Variants in DOCK3 observed in about 807,000 individuals in gnomAD.
DOCK3 encodes the protein dedicator of cytokinesis protein 3.
A neutral mutation model predicts 265.6 loss-of-function variants in DOCK3; 60 were observed. That is an observed-to-expected ratio of 0.23 (90% CI 0.18 to 0.28). The LOEUF (loss-of-function observed/expected upper bound fraction) is 0.28, where lower values mean the gene tolerates loss of function less well. Among genes scored for constraint, DOCK3 ranks in the 10% least tolerant of loss-of-function variants. The pLI, the probability that DOCK3 is intolerant of heterozygous loss-of-function variation, is 1.00. For synonymous variants in DOCK3, 881 were observed against 938.0 expected, an observed-to-expected ratio of 0.94 and a Z score of 1.11; for missense variants, 1,981 against 2,594.3, an observed-to-expected ratio of 0.76 and a Z score of 5.14.
At chr3:50,702,570 T>C (rs1207352718) in intron 1 of DOCK3, among the ~76,000 whole-genome samples, 1 of 152,064 alleles carries the variant, frequency 6.6e-6, no homozygotes, top group Admixed American at 6.6e-5. Context: ...GGTTTCACCA[T>C]GTTGGTCAGG....
At chr3:50,743,679 G>A (rs1376308536) in intron 1 of DOCK3, among the ~76,000 whole-genome samples, 1 of 152,160 alleles carries the variant, frequency 6.6e-6, no homozygotes, top group Non-Finnish European at 1.5e-5. Flanking sequence ...GGAGCACCCA[G>A]ATTCATAAAG....
chr3:51,017,565 G>T (rs2079402801), intron 5 of DOCK3, among the ~76,000 whole-genome samples: 1 of 151,624 alleles, frequency 6.6e-6, no homozygotes, highest in African/African-American at 2.4e-5. Context: ...TGTTTCTGTT[G>T]TTTGTTTCAA....
intron 3 of DOCK3, among the ~76,000 whole-genome samples, chr3:50,872,318 A>G (rs2107591484): frequency 6.6e-6 from 1 of 152,330 alleles, no homozygotes; most frequent in Non-Finnish European, 1.5e-5. Context: ...ATGGTCTTGG[A>G]CAATATCTGG....
intron 5 of DOCK3, among the ~76,000 whole-genome samples, chr3:50,976,959 T>A (rs1054022311): frequency 1.3e-5 from 2 of 150,284 alleles, no homozygotes; most frequent in African/African-American, 4.9e-5. Flanking sequence ...GAGACTAGGA[T>A]TGCAACCCCT....
Position 51,383,720 on chromosome 3 carries a change from A to G in DOCK3, c.*2161A>G, listed in dbSNP as rs2088810039. 6.6e-6 allele frequency: 1 copy of G among 152,574 alleles called. No individual in the cohort carries two copies. Among genetic ancestry groups the G allele is most frequent in the African/African-American group, 2.4e-5 (1 of 41,470 alleles). The allele number at this position is 152,574 out of a possible 1,614,324, so 9.5% of individuals were successfully genotyped here. On this transcript the variant is annotated 3_prime_UTR_variant, in exon 53 of 53. Transcript: ENST00000266037. ...GGAGAATAAGTCAGTCTGAGGGGAA[A>G]TGGGAGGCCAGAGATGAGAACCCTT...
intron 9 of DOCK3, among the ~76,000 whole-genome samples, chr3:51,104,779 T>A (rs2083216546): frequency 6.6e-6 from 1 of 152,212 alleles, no homozygotes; most frequent in African/African-American, 2.4e-5. Context: ...ATTACTTTTT[T>A]AATTTTTAAA....
intron 5 of DOCK3, among the ~76,000 whole-genome samples, chr3:51,023,940 C>G (rs1368494319): frequency 1.3e-5 from 2 of 151,780 alleles, no homozygotes; most frequent in African/African-American, 2.4e-5. Context: ...TTTATGGAAC[C>G]CTGTTTTGTC....
At chr3:51,265,366 C>T (rs1437068640) in intron 23 of DOCK3, among the ~76,000 whole-genome samples, 1 of 152,194 alleles carries the variant, frequency 6.6e-6, no homozygotes, top group Non-Finnish European at 1.5e-5. Context: ...CCAGCATCAT[C>T]CTGATACCAA....
At chr3:51,085,405 A>G (rs1401679961) in intron 7 of DOCK3, among the ~76,000 whole-genome samples, 1 of 152,242 alleles carries the variant, frequency 6.6e-6, no homozygotes, top group Non-Finnish European at 1.5e-5. Flanking sequence ...ACTCCAGGAT[A>G]CAGCACATAT....
At chr3:51,143,406 A>T (rs988144547) in intron 9 of DOCK3, among the ~76,000 whole-genome samples, 3 of 149,852 alleles carry the variant, frequency 2.0e-5, no homozygotes, top group African/African-American at 7.4e-5. Context: ...AGTAGCTGGG[A>T]TTACAGGCAC....
At chr3:50,997,720 C>T (rs1362731384) in intron 5 of DOCK3, among the ~76,000 whole-genome samples, 3 of 152,122 alleles carry the variant, frequency 2.0e-5, no homozygotes, top group African/African-American at 7.2e-5. Flanking sequence ...TGCACCGCCC[C>T]ACCCACCTCA....
Position 50,990,877 on chromosome 3 carries a change from C to G in DOCK3, c.315+56800C>G, listed in dbSNP as rs1337121821. On this transcript the variant is annotated intron_variant, in intron 5 of 52. Coordinates refer to ENST00000266037, the MANE Select transcript of DOCK3 (RefSeq NM_004947.5). The stretch of plus-strand genomic sequence containing the variant: ...CCACCCCAATTGAGGATGGGTCTGC[C>G]TCTCCCAGTCCACTAACTCAAATGT... Among the ~76,000 whole-genome samples the G allele has an allele frequency of 2.0e-5, 3 of 152,112 alleles. No homozygotes were observed. The East Asian group carries it at 5.8e-4, about 29-fold the overall frequency.
chr3:51,095,366 ATCTC>A (rs1232231016), intron 9 of DOCK3, among the ~76,000 whole-genome samples: 1 of 152,032 alleles, frequency 6.6e-6, no homozygotes, highest in Non-Finnish European at 1.5e-5. Context: ...TGGTGACAAA[ATCTC>A]TCAGCAATTG....
chr3:50,992,768 A>G (rs999113113), intron 5 of DOCK3, among the ~76,000 whole-genome samples: 4 of 152,232 alleles, frequency 2.6e-5, no homozygotes, highest in Non-Finnish European at 5.9e-5. Context: ...TTCTGTGCAC[A>G]CAAACTAGAA....
In DOCK3 at chr3:51,380,137, T is replaced by C; in HGVS notation, c.5513T>C (p.Leu1838Pro). The C allele has an allele frequency of 6.2e-7, 1 of 1,613,666 alleles. No individual in the cohort carries two copies. Among genetic ancestry groups the C allele is most frequent in the Admixed American group, 1.7e-5 (1 of 59,984 alleles). Residue 1838 changes from leucine (L) to proline (P), a missense_variant, in exon 52 of 53, where the codon CTA becomes CCA. Leu to Pro is a moderately conservative substitution (Grantham distance 98). This residue lies in a region of DOCK3 where 1,357 missense variants were observed against 1,866.8 expected (regional missense o/e 0.73). Transcript: ENST00000266037. ...LSVAEKGHYSLHFDAFHHPLG... is the reference protein window; with the variant it reads ...LSVAEKGHYSPHFDAFHHPLG... ...GTTCCCTTTGCAGGTCATTACTCCC[T>C]ACACTTTGACGCCTTCCACCACCCT...
At chr3:50,955,109 T>G (rs776237989) in intron 5 of DOCK3, among the ~76,000 whole-genome samples, 4 of 152,074 alleles carry the variant, frequency 2.6e-5, no homozygotes, top group Admixed American at 2.6e-4. Flanking sequence ...ATTAGATAAA[T>G]GCAGATCAAA....
chr3:51,084,039 C>T (rs2082332286), intron 7 of DOCK3, among the ~76,000 whole-genome samples: 2 of 151,900 alleles, frequency 1.3e-5, no homozygotes. Context: ...GGTTTTTTGA[C>T]ATCAATCAGA....
At chr3:50,877,432 G>A (rs201309558) in intron 3 of DOCK3, 19 of 519,846 alleles carry the variant, frequency 3.7e-5, no homozygotes, top group Non-Finnish European at 6.2e-5. Context: ...AGAAATCTGT[G>A]TGCTTTCCCT....
intron 2 of DOCK3, among the ~76,000 whole-genome samples, chr3:50,819,202 T>C (rs965564351): frequency 2.0e-5 from 3 of 152,194 alleles, no homozygotes; most frequent in Non-Finnish European, 4.4e-5. Flanking sequence ...GCTATAGATT[T>C]TTTGCTTGAT....
Sources: allele counts gnomAD v4.1 joint callset (sites outside exome capture counted in the v4.1 genomes callset), GRCh38; gene constraint gnomAD v4.1.1; regional missense constraint gnomAD v4.1.1; transcripts MANE v1.5; gene names NCBI Gene and HGNC (gene_info 2026-07-23, HGNC 2026-07-21).